DEFB131A: variants seen among roughly 807,000 people sequenced by gnomAD.
DEFB131A encodes the protein beta-defensin 131A.
DEFB131A carries 5 observed loss-of-function variants against 2.4 expected under a neutral mutation model. The observed-to-expected ratio is 2.12, with a 90% CI of 1.11 to 4.47. DEFB131A has a LOEUF of 4.47. Ranked by LOEUF, DEFB131A falls within the 30% of genes most tolerant of loss-of-function variation. The pLI is 0.00. For missense variants in DEFB131A, 120 were observed against 79.9 expected (o/e 1.50, Z -1.91); for synonymous variants, 34 against 25.7 (o/e 1.32, Z -0.97).
intron 1 of DEFB131A, among the ~76,000 whole-genome samples, chr4:9,445,813 G>A (rs764174300): frequency 5.3e-5 from 8 of 152,108 alleles, no homozygotes; most frequent in East Asian, 3.9e-4. Flanking sequence ...GTTTATAACC[G>A]CAAGAAGAAA....
intron 1 of DEFB131A, among the ~76,000 whole-genome samples, chr4:9,446,586 C>G (rs1312265985): frequency 1.3e-5 from 2 of 151,962 alleles, no homozygotes; most frequent in Admixed American, 6.6e-5. Context: ...ATCTTGAATT[C>G]ACTTAGTCCT....
intron 1 of DEFB131A, among the ~76,000 whole-genome samples, chr4:9,445,534 C>T (rs1248982951): frequency 1.3e-5 from 2 of 151,504 alleles, no homozygotes; most frequent in Non-Finnish European, 3.0e-5. Context: ...ATTTAGATTA[C>T]TGGTTGACTT....
intron 1 of DEFB131A, among the ~76,000 whole-genome samples, chr4:9,448,911 T>A (rs1018229922): frequency 6.6e-6 from 1 of 152,078 alleles, no homozygotes; most frequent in Admixed American, 6.5e-5. Context: ...AATCATCTAT[T>A]TCCAAATGAC....
chr4:9,449,484 A>T (rs7438896), intron 1 of DEFB131A, among the ~76,000 whole-genome samples: 23,563 of 148,792 alleles, frequency 0.16, 1,983 homozygotes, highest in East Asian at 0.29. Flanking sequence ...AGAAAACTGA[A>T]TATTCACATG....
At chr4:9,447,431 C>G (rs1212147577) in intron 1 of DEFB131A, among the ~76,000 whole-genome samples, 1 of 152,124 alleles carries the variant, frequency 6.6e-6, no homozygotes, top group South Asian at 2.1e-4. Context: ...TCTTGCATTG[C>G]TATAGGGTTA....
chr4:9,449,220 T>C (rs1375187534), intron 1 of DEFB131A, among the ~76,000 whole-genome samples: 1 of 149,936 alleles, frequency 6.7e-6, no homozygotes, highest in Non-Finnish European at 1.5e-5. Flanking sequence ...CCTATGTTCA[T>C]GAATTGGAAG....
intron 1 of DEFB131A, among the ~76,000 whole-genome samples, chr4:9,446,209 A>C (rs1717500899): frequency 6.6e-6 from 1 of 152,138 alleles, no homozygotes; most frequent in South Asian, 2.1e-4. Flanking sequence ...CTCGGAGGTA[A>C]TATGAGCCTC....
rs180736241 is a variant in DEFB131A at position 9,448,134 on chromosome 4, T to C, written c.59-2226T>C. Among the ~76,000 whole-genome samples, 502 of 146,414 alleles carry C rather than the reference T, an allele frequency of 3.4e-3. 1 individual carries two copies. Among genetic ancestry groups the C allele is most frequent in the African/African-American group, 0.012 (458 of 39,764 alleles). ...AAGATAAATACAAAAAATTTAAACA[T>C]AGGCATATTATATTGAAACTGCCAA... is the stretch of plus-strand genomic sequence containing the variant. On this transcript the variant is annotated intron_variant, in intron 1 of 1. Coordinates refer to ENST00000334879, the MANE Select transcript of DEFB131A (RefSeq NM_001040448.3).
rs548703329 is a variant in DEFB131A at position 9,445,523 on chromosome 4, G to T, written c.58+932G>T. Among the ~76,000 whole-genome samples the T allele has an allele frequency of 4.6e-5, 7 of 151,610 alleles. No homozygotes were observed. In the South Asian group the frequency reaches 8.4e-4, roughly 18 times the overall value. On this transcript the variant is annotated intron_variant, in intron 1 of 1. Coordinates refer to ENST00000334879, the MANE Select transcript of DEFB131A (RefSeq NM_001040448.3). ...ATATTAAACTGCGGTTCATACCTGAGATTTAGATTACTGGTTGACTTATTG... is the reference window on the plus strand; with the variant it reads ...ATATTAAACTGCGGTTCATACCTGATATTTAGATTACTGGTTGACTTATTG...
At chr4:9,444,795 G>C (rs547476972) in intron 1 of DEFB131A, among the ~76,000 whole-genome samples, 3 of 152,096 alleles carry the variant, frequency 2.0e-5, no homozygotes, top group Non-Finnish European at 4.4e-5. Flanking sequence ...CTCACTTGAG[G>C]CCGGGCACAG....
intron 1 of DEFB131A, 48 bp downstream of exon 1, chr4:9,444,639 AG>A (rs745809867): frequency 1.8e-5 from 29 of 1,572,826 alleles, no homozygotes; most frequent in Non-Finnish European, 2.4e-5. Context: ...TATAAGTAAA[AG>A]AAAATGCAAG....
intron 1 of DEFB131A, among the ~76,000 whole-genome samples, chr4:9,448,421 C>T (rs1717561758): frequency 6.6e-6 from 1 of 152,062 alleles, no homozygotes; most frequent in Admixed American, 6.6e-5. Flanking sequence ...GTGACCTTGG[C>T]TCACTGCAGC....
chr4:9,450,059 A>C (rs546937422), intron 1 of DEFB131A, among the ~76,000 whole-genome samples: 22 of 152,322 alleles, frequency 1.4e-4, no homozygotes, highest in Admixed American at 1.0e-3. Flanking sequence ...TTCCTGCATT[A>C]TGAATCTCTA....
intron 1 of DEFB131A, among the ~76,000 whole-genome samples, chr4:9,445,020 C>T (rs9685749): frequency 0.024 from 3,679 of 152,014 alleles, 83 homozygotes; most frequent in African/African-American, 0.082. Flanking sequence ...GTCAAGGCTG[C>T]ATTCAGCTTA....
Position 9,450,555 on chromosome 4 carries a change from C to A in DEFB131A, c.*41C>A, listed in dbSNP as rs1248093038. The A allele has an allele frequency of 2.5e-6, 4 of 1,588,120 alleles. No homozygotes were observed. Among genetic ancestry groups the A allele is most frequent in the East Asian group, 2.3e-5 (1 of 43,854 alleles). On this transcript the variant is annotated 3_prime_UTR_variant, in exon 2 of 2. Coordinates refer to ENST00000334879, the MANE Select transcript of DEFB131A (RefSeq NM_001040448.3). The stretch of plus-strand genomic sequence containing the variant: ...CTTCTTCAGACTCCGGGACAAAAAA[C>A]ATGTCTTAAACTCTCTTATCTATGA...
intron 1 of DEFB131A, among the ~76,000 whole-genome samples, chr4:9,448,522 C>T (rs1445159153): frequency 5.3e-5 from 8 of 152,098 alleles, no homozygotes; most frequent in African/African-American, 1.7e-4. Context: ...CTGGATTCCG[C>T]TAGGTTAGCC....
At chr4:9,446,681 G>A (rs1341020572) in intron 1 of DEFB131A, among the ~76,000 whole-genome samples, 1 of 151,904 alleles carries the variant, frequency 6.6e-6, no homozygotes, top group Admixed American at 6.6e-5. Context: ...GTGCATAGTA[G>A]CTTGTTTATA....
At chr4:9,444,712 C>T (rs1717446877) in intron 1 of DEFB131A, 121 bp downstream of exon 1, 3 of 977,812 alleles carry the variant, frequency 3.1e-6, no homozygotes, top group Non-Finnish European at 4.5e-6. Flanking sequence ...ATGAAGGCTG[C>T]TCAGAGGATT....
At chr4:9,448,263 C>T (rs1479784852) in intron 1 of DEFB131A, among the ~76,000 whole-genome samples, 2 of 150,928 alleles carry the variant, frequency 1.3e-5, no homozygotes, top group African/African-American at 4.9e-5. Flanking sequence ...TCTCTTAAAC[C>T]ACATAAGCAA....
Sources: gnomAD v4.1 joint callset for allele counts (sites outside exome capture counted in the v4.1 genomes callset) on GRCh38, gnomAD v4.1.1 for gene constraint, MANE v1.5 for transcripts, NCBI Gene and HGNC (gene_info 2026-07-23, HGNC 2026-07-21) for gene names.